C3orf70: variants seen among roughly 807,000 people sequenced by gnomAD.
C3orf70 encodes the protein chromosome 3 open reading frame 70.
Under a neutral mutation model 20.7 loss-of-function variants are expected in C3orf70, and 15 were observed. The observed-to-expected ratio is 0.72, with a 90% CI of 0.48 to 1.11. C3orf70 has a LOEUF of 1.11. Ranked by LOEUF, C3orf70 falls within the 50% of genes most tolerant of loss-of-function variation. The probability of loss-of-function intolerance (pLI) is 0.00; values close to 1 mark genes in which losing one functional copy is unlikely to be tolerated. For missense variants in C3orf70, 332 were observed against 317.6 expected (o/e 1.05, Z -0.34); for synonymous variants, 161 against 125.7 (o/e 1.28, Z -1.88).
chr3:185,117,876 A>G (rs1162244114), intron 1 of C3orf70, among the ~76,000 whole-genome samples: 2 of 152,190 alleles, frequency 1.3e-5, no homozygotes, highest in Non-Finnish European at 2.9e-5. Flanking sequence ...TAAAAGTGAA[A>G]TCAGTACAAT....
intron 1 of C3orf70, among the ~76,000 whole-genome samples, chr3:185,138,474 T>C (rs1160079849): frequency 6.6e-6 from 1 of 150,778 alleles, no homozygotes; most frequent in Non-Finnish European, 1.5e-5. Context: ...AAGCAACACC[T>C]GTCATAAAGA....
chr3:185,108,841 T>C (rs898295351), intron 1 of C3orf70, among the ~76,000 whole-genome samples: 4 of 152,362 alleles, frequency 2.6e-5, no homozygotes, highest in African/African-American at 9.6e-5. Context: ...TATGTACATG[T>C]ATGTGTGGAC....
chr3:185,087,876 G>T (rs2108587223), intron 1 of C3orf70, among the ~76,000 whole-genome samples: 1 of 151,654 alleles, frequency 6.6e-6, no homozygotes, highest in Middle Eastern at 3.4e-3. Context: ...GCATAGTTCA[G>T]TTCTTTGACT....
chr3:185,152,570 G>A (rs1378936646), intron 1 of C3orf70, 58 bp downstream of exon 1: 8 of 1,463,790 alleles, frequency 5.5e-6, no homozygotes, highest in Non-Finnish European at 7.3e-6. Flanking sequence ...GACCCCGGAC[G>A]GCCCGGCGGG....
chr3:185,149,394 C>T (rs1193311667), intron 1 of C3orf70, among the ~76,000 whole-genome samples: 4 of 104,404 alleles, frequency 3.8e-5, no homozygotes, highest in Admixed American at 2.2e-4. Flanking sequence ...CTCTGTCTCC[C>T]AAAAAAAAAA....
At chr3:185,094,225 G>A (rs573667724) in intron 1 of C3orf70, among the ~76,000 whole-genome samples, 2 of 151,798 alleles carry the variant, frequency 1.3e-5, no homozygotes, top group South Asian at 2.1e-4. Flanking sequence ...TTACAGGCAT[G>A]AGCCACCACA....
rs1325175211 is a variant in C3orf70, at chr3:185,078,088, CA to C, written c.*4918del. ...GAAAAAAAAAATCACGTTTATTTTACAAGGCAGTTATTTTCCTAAAGTGTTA... is the reference window on the plus strand; with the variant it reads ...GAAAAAAAAAATCACGTTTATTTTACAGGCAGTTATTTTCCTAAAGTGTTA... On this transcript the variant is annotated 3_prime_UTR_variant, in exon 2 of 2. Transcript: ENST00000335012. 2 of 152,534 alleles carry C rather than the reference CA, an allele frequency of 1.3e-5. No individual in the cohort carries two copies. Among genetic ancestry groups the C allele is most frequent in the African/African-American group, 4.8e-5 (2 of 41,424 alleles). 9.4% of individuals were successfully genotyped at this position (152,534 alleles called of 1,614,324 possible). A position where few individuals can be genotyped will look rare whatever the true frequency, so the allele number is the denominator to read the frequency against.
chr3:185,087,036 T>C (rs1715471992), intron 1 of C3orf70, among the ~76,000 whole-genome samples: 1 of 152,080 alleles, frequency 6.6e-6, no homozygotes, highest in African/African-American at 2.4e-5. Flanking sequence ...TCCGAGGCAC[T>C]GCAAGATCCT....
chr3:185,079,280 C>CAAAAAAAAAAAAAAAAAAAAAA lies in C3orf70; in HGVS notation c.*3705_*3726dup, dbSNP rs60241057. The CAAAAAAAAAAAAAAAAAAAAAA allele has an allele frequency of 1.4e-4, 7 of 50,632 alleles. 1 individual carries two copies. The highest frequency in any genetic ancestry group is 5.8e-4 in the South Asian group (1 of 1,712). The allele number at this position is 50,632 out of a possible 1,614,324, so 3.1% of individuals were successfully genotyped here. A position where few individuals can be genotyped will look rare whatever the true frequency, so the allele number is the denominator to read the frequency against. On this transcript the variant is annotated 3_prime_UTR_variant, in exon 2 of 2. Coordinates refer to ENST00000335012, the MANE Select transcript of C3orf70 (RefSeq NM_001025266.3). Reference sequence around the variant, plus strand: ...TGGGTGAAGGAGCGAGACTCTGTCTCAAAAAAAAAAAAAAAAAAAAAAAAG... The same window carrying CAAAAAAAAAAAAAAAAAAAAAA: ...TGGGTGAAGGAGCGAGACTCTGTCTCAAAAAAAAAAAAAAAAAAAAAAAAAAAAAAAAAAAAAAAAAAAAAAG...
chr3:185,097,968 T>C (rs553624771), intron 1 of C3orf70, among the ~76,000 whole-genome samples: 50 of 152,316 alleles, frequency 3.3e-4, no homozygotes, highest in African/African-American at 1.2e-3. Context: ...TTGGGTAATA[T>C]GACAATGTAG....
chr3:185,107,552 C>T (rs1041980774), intron 1 of C3orf70, among the ~76,000 whole-genome samples: 2 of 152,194 alleles, frequency 1.3e-5, no homozygotes, highest in African/African-American at 4.8e-5. Flanking sequence ...AGAACCTACA[C>T]CTTTAAAATG....
intron 1 of C3orf70, among the ~76,000 whole-genome samples, chr3:185,101,474 T>C (rs1577322232): frequency 1.3e-5 from 2 of 152,310 alleles, no homozygotes; most frequent in East Asian, 3.9e-4. Flanking sequence ...CTTGCACTAC[T>C]ATAGAGAACT....
At chr3:185,140,747 G>A (rs1222016573) in intron 1 of C3orf70, among the ~76,000 whole-genome samples, 3 of 148,238 alleles carry the variant, frequency 2.0e-5, no homozygotes, top group East Asian at 4.0e-4. Flanking sequence ...CCAGGAGTTT[G>A]AGACCAGCCT....
In C3orf70 at chr3:185,152,856, A is replaced by T. The variant is rs757210274; in HGVS notation, c.-33T>A. ...CCCTCCGCGCGGAGCCGACACCGGGAGCCCGGGAGAAGCGACGTCTGGGTG... is the reference window on the plus strand; with the variant it reads ...CCCTCCGCGCGGAGCCGACACCGGGTGCCCGGGAGAAGCGACGTCTGGGTG... On this transcript the variant is annotated 5_prime_UTR_variant, in exon 1 of 2. Coordinates refer to ENST00000335012, the MANE Select transcript of C3orf70 (RefSeq NM_001025266.3). 8 of 1,475,166 alleles carry T rather than the reference A, an allele frequency of 5.4e-6. No individual in the cohort carries two copies. Among genetic ancestry groups the T allele is most frequent in the Non-Finnish European group, 7.2e-6 (8 of 1,108,544 alleles). 91.4% of individuals were successfully genotyped at this position (1,475,166 alleles called of 1,614,324 possible). A position where few individuals can be genotyped will look rare whatever the true frequency, so the allele number is the denominator to read the frequency against.
chr3:185,142,419 C>T (rs979228997), intron 1 of C3orf70, among the ~76,000 whole-genome samples: 12 of 152,068 alleles, frequency 7.9e-5, no homozygotes, highest in African/African-American at 2.2e-4. Context: ...GGTGACACAG[C>T]GAAACCCTGC....
At chr3:185,137,595 C>T (rs1027983378) in intron 1 of C3orf70, among the ~76,000 whole-genome samples, 15 of 151,996 alleles carry the variant, frequency 9.9e-5, no homozygotes, top group African/African-American at 3.1e-4. Flanking sequence ...TAGAATCAAG[C>T]GAGAAACCAG....
chr3:185,128,815 G>A (rs1292069581), intron 1 of C3orf70, among the ~76,000 whole-genome samples: 3 of 152,054 alleles, frequency 2.0e-5, no homozygotes, highest in African/African-American at 4.8e-5. Flanking sequence ...CTCTGTCTTC[G>A]CATAATTTGA....
intron 1 of C3orf70, among the ~76,000 whole-genome samples, chr3:185,086,634 T>C (rs1715464422): frequency 6.6e-6 from 1 of 152,218 alleles, no homozygotes; most frequent in African/African-American, 2.4e-5. Flanking sequence ...GTCTGTGGTA[T>C]TTTATTATAG....
intron 1 of C3orf70, among the ~76,000 whole-genome samples, chr3:185,095,635 A>AAAAG (rs1259949278): frequency 3.3e-5 from 5 of 152,322 alleles, no homozygotes; most frequent in Admixed American, 2.6e-4. Context: ...CTGGTTTTTT[A>AAAAG]AAAGATTAAC....
Sources: gnomAD v4.1 joint callset for allele counts (sites outside exome capture counted in the v4.1 genomes callset) on GRCh38, gnomAD v4.1.1 for gene constraint, MANE v1.5 for transcripts, NCBI Gene and HGNC (gene_info 2026-07-23, HGNC 2026-07-21) for gene names.